STK11: variants seen among roughly 807,000 people sequenced by gnomAD.
The protein encoded by STK11 is serine/threonine kinase 11, also known as serine/threonine-protein kinase STK11.
STK11 carries 8 observed loss-of-function variants against 47.3 expected under a neutral mutation model. That is an observed-to-expected ratio of 0.17 (90% confidence interval 0.10 to 0.31). The LOEUF (loss-of-function observed/expected upper bound fraction) is 0.31, where lower values mean the gene tolerates loss of function less well. Ranked by LOEUF, STK11 falls within the 10% of genes least tolerant of loss-of-function variation. STK11 has a pLI of 1.00. For synonymous variants in STK11, 330 were observed against 255.8 expected (o/e 1.29, Z -2.77); for missense variants, 475 against 605.0 (o/e 0.79, Z 2.25).
At chr19:1,225,213 G>A (rs903169017) in intron 8 of STK11, 2 of 985,358 alleles carry the variant, frequency 2.0e-6, no homozygotes, top group Admixed American at 6.1e-5. Flanking sequence ...CACCAGAGAC[G>A]GGCTGGGCCC....
In STK11 at chr19:1,226,674, G is replaced by C. The variant is rs1468364749; in HGVS notation, c.*16+11G>C. 6.7e-7 allele frequency: 1 copy of C among 1,487,082 alleles called. No homozygotes were observed. The highest frequency in any genetic ancestry group is 1.4e-5 in the African/African-American group (1 of 70,716). 92.1% of individuals were successfully genotyped at this position (1,487,082 alleles called of 1,614,324 possible). A position where few individuals can be genotyped will look rare whatever the true frequency, so the allele number is the denominator to read the frequency against. On this transcript the variant is annotated intron_variant, in intron 9 of 9. Transcript: ENST00000326873. ...GCTGGCCGCCTGCAGGTGGGGCGCGGCGGGGCCCGGGTGGGGCATGTGGGG... is the reference window on the plus strand; with the variant it reads ...GCTGGCCGCCTGCAGGTGGGGCGCGCCGGGGCCCGGGTGGGGCATGTGGGG...
At chr19:1,217,632 CTCTT>C (rs1471797651) in intron 1 of STK11, among the ~76,000 whole-genome samples, 1 of 152,172 alleles carries the variant, frequency 6.6e-6, no homozygotes, top group Non-Finnish European at 1.5e-5. Flanking sequence ...CCCACAATGT[CTCTT>C]TCTGTGGCGT....
rs537038030 is a variant in STK11, at chr19:1,218,882, G to A, written c.374+382G>A. Among the ~76,000 whole-genome samples the A allele has an allele frequency of 3.3e-5, 5 of 152,308 alleles. No homozygotes were observed. In the South Asian group the frequency reaches 6.2e-4, roughly 19 times the overall value. ...TGTGGACACCCCCATGGGTCTTACG[G>A]GCACAGCCTCCCTACGGGGACTTTG... is the stretch of plus-strand genomic sequence containing the variant. On this transcript the variant is annotated intron_variant, in intron 2 of 9. Coordinates refer to ENST00000326873, the MANE Select transcript of STK11 (RefSeq NM_000455.5).
Position 1,206,654 on chromosome 19 carries a change from G to A in STK11, c.-260G>A. 1 of 530,248 alleles carries A rather than the reference G, an allele frequency of 1.9e-6. No homozygotes were observed. Among genetic ancestry groups the A allele is most frequent in the Non-Finnish European group, 3.3e-6 (1 of 301,732 alleles). 32.8% of individuals were successfully genotyped at this position (530,248 alleles called of 1,614,324 possible). ...AGGCCCGGGTCCCACTGGAACTCGC[G>A]TCTGAGCCGCCGTCCCGGACCCCCG... On this transcript the variant is annotated 5_prime_UTR_variant, in exon 1 of 10. Coordinates refer to ENST00000326873, the MANE Select transcript of STK11 (RefSeq NM_000455.5).
chr19:1,227,553 T>C (rs1404681907), intron 9 of STK11, 40 bp from the exon 10 acceptor site: 16 of 1,062,564 alleles, frequency 1.5e-5, no homozygotes, highest in Non-Finnish European at 1.7e-5. Flanking sequence ...GGAGAACCGG[T>C]GCCCAGGCTG....
intron 1 of STK11, among the ~76,000 whole-genome samples, chr19:1,215,721 G>A (rs1244867291): frequency 6.6e-6 from 1 of 152,090 alleles, no homozygotes; most frequent in African/African-American, 2.4e-5. Context: ...AGGCTGGGTC[G>A]TGGGATACCC....
intron 5 of STK11, 49 bp from the exon 6 acceptor site, chr19:1,221,164 T>A (rs2145426489): frequency 2.5e-6 from 4 of 1,604,894 alleles, no homozygotes; most frequent in Non-Finnish European, 3.4e-6. Flanking sequence ...TCCTAGGGCG[T>A]CAACCACCTT....
In STK11 at chr19:1,228,355, C is replaced by T. The variant is rs2080844498; in HGVS notation, c.*779C>T. ...AAACGCCATCGCGGGATGGTGCAGA[C>T]GCGGCGGGGACTCGGAGGGTGCCGT... is the stretch of plus-strand genomic sequence containing the variant. On this transcript the variant is annotated 3_prime_UTR_variant, in exon 10 of 10. Coordinates refer to ENST00000326873, the MANE Select transcript of STK11 (RefSeq NM_000455.5). 3 of 240,458 alleles carry T rather than the reference C, an allele frequency of 1.2e-5. No individual in the cohort carries two copies. The highest frequency in any genetic ancestry group is 6.1e-5 in the East Asian group (1 of 16,460). 14.9% of individuals were successfully genotyped at this position (240,458 alleles called of 1,614,324 possible). A position where few individuals can be genotyped will look rare whatever the true frequency, so the allele number is the denominator to read the frequency against.
At chr19:1,226,751 C>T (rs905147614) in intron 9 of STK11, 88 bp downstream of exon 9, 1 of 1,385,764 alleles carries the variant, frequency 7.2e-7, no homozygotes, top group Non-Finnish European at 9.4e-7. Flanking sequence ...GCTAGTCAGT[C>T]ATGGTGACCG....
At chr19:1,214,307 C>T (rs369256876) in intron 1 of STK11, among the ~76,000 whole-genome samples, 9 of 152,312 alleles carry the variant, frequency 5.9e-5, no homozygotes, top group East Asian at 3.9e-4. Context: ...AATCGGGGGA[C>T]GCACGTGCCT....
At chr19:1,222,764 G>A (rs1355400225) in intron 7 of STK11, among the ~76,000 whole-genome samples, 1 of 152,214 alleles carries the variant, frequency 6.6e-6, no homozygotes, top group East Asian at 1.9e-4. Flanking sequence ...CTGGGACACA[G>A]GCCTCAGGGT....
chr19:1,223,116 A>AGGACCT lies in STK11; in HGVS notation c.1053_1058dup (p.Asp352_Leu353dup), dbSNP rs1264780659. 1.9e-6 allele frequency: 3 copies of AGGACCT among 1,611,826 alleles called. No homozygotes were observed. The Admixed American group carries it at 5.0e-5, about 27-fold the overall frequency. On this transcript the variant is annotated inframe_insertion, in exon 8 of 10. Transcript: ENST00000326873. ...GACCTGCACGGCGCGGACGAGGACG[A>AGGACCT]GGACCTCTTCGACATCGAGGATGAC...
rs1055444625 is a variant in STK11, at chr19:1,224,816, C to T, written c.1109-1638C>T. 30 of 985,480 alleles carry T rather than the reference C, an allele frequency of 3.0e-5. No homozygotes were observed. The African/African-American group carries it at 4.7e-4, about 15-fold the overall frequency. 61.0% of individuals were successfully genotyped at this position (985,480 alleles called of 1,614,324 possible). A position where few individuals can be genotyped will look rare whatever the true frequency, so the allele number is the denominator to read the frequency against. Reference sequence around the variant, plus strand: ...GCCAGACCACTCGGCATGGCTGAGGCCTCAGTACTCAGTACTGGGTACTCA... The same window carrying T: ...GCCAGACCACTCGGCATGGCTGAGGTCTCAGTACTCAGTACTGGGTACTCA... On this transcript the variant is annotated intron_variant, in intron 8 of 9. Coordinates refer to ENST00000326873, the MANE Select transcript of STK11 (RefSeq NM_000455.5).
chr19:1,207,239 G>T lies in STK11; in HGVS notation c.290+36G>T, dbSNP rs3764640. 384,650 of 1,561,928 alleles carry T rather than the reference G, an allele frequency of 0.25. 53,360 individuals carry two copies. The highest frequency in any genetic ancestry group is 0.71 in the East Asian group (29,898 of 42,214). ...CTTGCTGGGGTCGGGGCCGGGCCGG[G>T]CCAGTCACGGTGCTGATGGTTCTGT... On this transcript the variant is annotated intron_variant, in intron 1 of 9. Coordinates refer to ENST00000326873, the MANE Select transcript of STK11 (RefSeq NM_000455.5).
At chr19:1,225,386 C>T (rs1348955155) in intron 8 of STK11, 13 of 846,108 alleles carry the variant, frequency 1.5e-5, no homozygotes, top group Non-Finnish European at 1.8e-5. Context: ...AATTCTGCCT[C>T]AGCCTCCTGA....
chr19:1,215,164 G>A (rs1003006425), intron 1 of STK11, among the ~76,000 whole-genome samples: 5 of 149,332 alleles, frequency 3.3e-5, no homozygotes, highest in African/African-American at 1.2e-4. Context: ...GGGCCCCGGG[G>A]CCTTTGCCGA....
Position 1,206,218 on chromosome 19 carries a change from C to T in STK11, c.-696C>T, listed in dbSNP as rs1180818259. The T allele has an allele frequency of 5.5e-6, 1 of 180,986 alleles. No homozygotes were observed. Among genetic ancestry groups the T allele is most frequent in the East Asian group, 9.3e-5 (1 of 10,728 alleles). 11.2% of individuals were successfully genotyped at this position (180,986 alleles called of 1,614,324 possible). A position where few individuals can be genotyped will look rare whatever the true frequency, so the allele number is the denominator to read the frequency against. The stretch of plus-strand genomic sequence containing the variant: ...GCCCAGTGCGGGCCCTCGCGGGCGC[C>T]GGGCAGCGACCAGCCCTGAGCGGAG... On this transcript the variant is annotated 5_prime_UTR_variant, in exon 1 of 10. Coordinates refer to ENST00000326873, the MANE Select transcript of STK11 (RefSeq NM_000455.5).
In STK11 at chr19:1,206,984, C is replaced by T. The variant is rs770503805; in HGVS notation, c.71C>T (p.Thr24Met). 5.0e-6 allele frequency: 8 copies of T among 1,612,642 alleles called. No homozygotes were observed. Among genetic ancestry groups the T allele is most frequent in the African/African-American group, 1.3e-5 (1 of 74,808 alleles). ...EGELMSVGMD[T>M]FIHRIDSTEV... is the part of the protein sequence containing the mutation. ...GAGCTGATGTCGGTGGGTATGGACA[C>T]GTTCATCCACCGCATCGACTCCACC... The change falls in exon 1 of 10, where the codon ACG (threonine) becomes ATG (methionine). Residue 24 changes from threonine to methionine, a missense_variant. Physicochemically the swap from Thr to Met is moderately conservative, Grantham distance 81. This residue lies in a region of STK11 where 47 missense variants were observed against 103.7 expected (regional missense o/e 0.45). Transcript: ENST00000326873.
At position 1,226,897 on chromosome 19, in the gene STK11, G is replaced by C. The variant is rs55694801; in HGVS notation, c.*16+234G>C. 8,224 of 538,826 alleles carry C rather than the reference G, an allele frequency of 0.015. 85 individuals carry two copies. Among genetic ancestry groups the C allele is most frequent in the Middle Eastern group, 0.032 (66 of 2,052 alleles). The allele number at this position is 538,826 out of a possible 1,614,324, so 33.4% of individuals were successfully genotyped here. A position where few individuals can be genotyped will look rare whatever the true frequency, so the allele number is the denominator to read the frequency against. ...GGAGGCCTACGTGTGGCGGGGCTCTGGGGGGGCGTGCCGTCCTCACAGCCA... is the reference window on the plus strand; with the variant it reads ...GGAGGCCTACGTGTGGCGGGGCTCTCGGGGGGCGTGCCGTCCTCACAGCCA... On this transcript the variant is annotated intron_variant, in intron 9 of 9. Coordinates refer to ENST00000326873, the MANE Select transcript of STK11 (RefSeq NM_000455.5).
Sources: allele counts gnomAD v4.1 joint callset (sites outside exome capture counted in the v4.1 genomes callset), GRCh38; gene constraint gnomAD v4.1.1; regional missense constraint gnomAD v4.1.1; transcripts MANE v1.5; gene names NCBI Gene and HGNC (gene_info 2026-07-23, HGNC 2026-07-21).